Variants in GAN observed in about 807,000 individuals in gnomAD.
The protein encoded by GAN is epididymis secretory sperm binding protein.
A neutral mutation model predicts 71.3 loss-of-function variants in GAN; 48 were observed. The ratio of observed to expected loss-of-function variants is 0.67; its 90% CI spans 0.53 to 0.86. The LOEUF (loss-of-function observed/expected upper bound fraction) is 0.86, where lower values mean the gene tolerates loss of function less well. GAN is among the 40% of genes least tolerant of loss of function. GAN has a pLI of 0.00. For missense variants in GAN, 928 were observed against 770.1 expected, an observed-to-expected ratio of 1.21 and a Z score of -2.43; for synonymous variants, 386 against 276.8, an observed-to-expected ratio of 1.39 and a Z score of -3.92.
rs763438490 is a variant in GAN, at chr16:81,354,562, A to C, written c.440A>C (p.His147Pro). 1.2e-6 allele frequency: 2 copies of C among 1,614,176 alleles called. No homozygotes were observed. The highest frequency in any genetic ancestry group is 2.2e-5 in the South Asian group (2 of 91,088). Residue 147 changes from histidine to proline, a missense_variant, in exon 3 of 11, where the codon CAT becomes CCT. Physicochemically the swap from His to Pro is moderately conservative, Grantham distance 77 (BLOSUM62 -2). Transcript: ENST00000648994. ...IRDFALHYCL[H>P]HVHYLATEYL... is the part of the protein sequence containing the mutation. ...GACTTTGCACTACATTACTGCCTCC[A>C]TCACGTTCATTACCTTGCCACAGAA...
rs57170812 is a variant in GAN, at chr16:81,378,664, T to G, written c.*1068T>G. On this transcript the variant is annotated 3_prime_UTR_variant, in exon 11 of 11. Coordinates refer to ENST00000648994, the MANE Select transcript of GAN (RefSeq NM_022041.4). ...GAATCTAGTCTTTGTAATAGAAGTT[T>G]CCCAGTGGCATTCACTAGTGAGAGT... is the stretch of plus-strand genomic sequence containing the variant. 7,507 of 152,750 alleles carry G rather than the reference T, an allele frequency of 0.049. 325 individuals are homozygous for G. The highest frequency in any genetic ancestry group is 0.12 in the African/African-American group (4,993 of 41,562). The allele number at this position is 152,750 out of a possible 1,614,324, so 9.5% of individuals were successfully genotyped here. A position where few individuals can be genotyped will look rare whatever the true frequency, so the allele number is the denominator to read the frequency against.
chr16:81,389,850 C>T lies in GAN; in HGVS notation c.*12254C>T, dbSNP rs904318914. On this transcript the variant is annotated 3_prime_UTR_variant, in exon 11 of 11. Transcript: ENST00000648994. ...GACCCTCGAGTATGTGACTGTCACCCTTGTCCAAGACTGGTTTTTAACAGT... is the reference window on the plus strand; with the variant it reads ...GACCCTCGAGTATGTGACTGTCACCTTTGTCCAAGACTGGTTTTTAACAGT... 1.3e-5 allele frequency: 2 copies of T among 152,160 alleles called. No homozygotes were observed. Among genetic ancestry groups the T allele is most frequent in the African/African-American group, 4.8e-5 (2 of 41,426 alleles). The allele number at this position is 152,160 out of a possible 1,614,324, so 9.4% of individuals were successfully genotyped here.
intron 9 of GAN, among the ~76,000 whole-genome samples, chr16:81,367,330 C>G (rs1231073790): frequency 1.3e-5 from 2 of 151,984 alleles, no homozygotes. Context: ...CAAAACCAGC[C>G]CGGCCAACAT....
intron 1 of GAN, among the ~76,000 whole-genome samples, chr16:81,325,100 G>T (rs1195945362): frequency 6.6e-6 from 1 of 152,332 alleles, no homozygotes; most frequent in East Asian, 1.9e-4. Flanking sequence ...CTTCTTCATC[G>T]TCACCAACAG....
intron 5 of GAN, among the ~76,000 whole-genome samples, chr16:81,361,889 C>G (rs1460526589): frequency 6.6e-6 from 1 of 152,110 alleles, no homozygotes; most frequent in African/African-American, 2.4e-5. Flanking sequence ...GAGATGAAGT[C>G]TTGCTGTGTT....
intron 1 of GAN, among the ~76,000 whole-genome samples, chr16:81,330,496 C>G (rs1318911101): frequency 1.3e-5 from 2 of 152,126 alleles, no homozygotes; most frequent in South Asian, 4.1e-4. Flanking sequence ...AAGATAAACA[C>G]CCATGTGTCT....
intron 2 of GAN, 23 bp from the exon 3 acceptor site, chr16:81,354,382 A>G (rs377019851): frequency 2.1e-6 from 3 of 1,459,142 alleles, no homozygotes; most frequent in Non-Finnish European, 2.9e-6. Flanking sequence ...TTCAAATATA[A>G]GATAATTATG....
intron 9 of GAN, among the ~76,000 whole-genome samples, chr16:81,374,229 C>T (rs1323323337): frequency 3.9e-5 from 6 of 152,150 alleles, no homozygotes. Context: ...AGGGAGAACA[C>T]GTTGATGTGC....
At chr16:81,347,797 G>C (rs556099298) in intron 1 of GAN, among the ~76,000 whole-genome samples, 2 of 152,112 alleles carry the variant, frequency 1.3e-5, no homozygotes, top group Non-Finnish European at 2.9e-5. Flanking sequence ...TTTTCTTTCT[G>C]AAAGCTTGTA....
chr16:81,370,530 C>G (rs928972632), intron 9 of GAN, among the ~76,000 whole-genome samples: 1 of 152,178 alleles, frequency 6.6e-6, no homozygotes, highest in African/African-American at 2.4e-5. Context: ...GGGAAAACAC[C>G]CAAGGAAGGA....
In GAN at chr16:81,343,516, C is replaced by G. The variant is rs141932728; in HGVS notation, c.168-8067C>G. Among the ~76,000 whole-genome samples, 151 of 152,292 alleles carry G rather than the reference C, an allele frequency of 9.9e-4. 2 individuals carry two copies. In the East Asian group the frequency reaches 0.026, roughly 27 times the overall value. Reference sequence around the variant, plus strand: ...ACATAAGCAGAACCAACGACAAAAACCACATGATTATCTCAACAGATGTAG... The same window carrying G: ...ACATAAGCAGAACCAACGACAAAAAGCACATGATTATCTCAACAGATGTAG... On this transcript the variant is annotated intron_variant, in intron 1 of 10. Transcript: ENST00000648994.
intron 1 of GAN, among the ~76,000 whole-genome samples, chr16:81,329,886 C>T (rs142834973): frequency 4.1e-4 from 62 of 152,312 alleles, no homozygotes; most frequent in African/African-American, 1.1e-3. Context: ...TGATACCAAG[C>T]CCGCTACATG....
chr16:81,356,908 C>G lies in GAN; in HGVS notation c.757C>G (p.Leu253Val). The part of the protein sequence containing the change: ...EIVKECSNIP[L>V]SQPQQGEAML... The stretch of plus-strand genomic sequence containing the variant: ...TGTCAAAGAGTGTAGCAATATACCG[C>G]TCAGCCAGCCGCAGCAAGGGGAGGC... Residue 253 changes from leucine (L) to valine (V), a missense_variant, in exon 4 of 11, where the codon CTC becomes GTC. Coordinates refer to ENST00000648994, the MANE Select transcript of GAN (RefSeq NM_022041.4). The G allele has an allele frequency of 1.2e-6, 2 of 1,613,838 alleles. No individual in the cohort carries two copies. Among genetic ancestry groups the G allele is most frequent in the Non-Finnish European group, 1.7e-6 (2 of 1,179,772 alleles).
intron 2 of GAN, 81 bp from the exon 3 acceptor site, chr16:81,354,324 A>G (rs1464626033): frequency 3.5e-6 from 3 of 858,680 alleles, no homozygotes; most frequent in Non-Finnish European, 5.9e-6. Flanking sequence ...TGGAAATTTC[A>G]TGTGGCCCCA....
chr16:81,389,141 G>T lies in GAN; in HGVS notation c.*11545G>T, dbSNP rs1226033879. ...AACAAAGATAATCTGAATAAAAATT[G>T]TGTGTTGGGAAATGTATCAAGTGAC... On this transcript the variant is annotated 3_prime_UTR_variant, in exon 11 of 11. Transcript: ENST00000648994. 6.6e-6 allele frequency: 1 copy of T among 152,164 alleles called. No individual in the cohort carries two copies. The highest frequency in any genetic ancestry group is 1.5e-5 in the Non-Finnish European group (1 of 68,038). The allele number at this position is 152,164 out of a possible 1,614,324, so 9.4% of individuals were successfully genotyped here.
chr16:81,319,206 T>TTATA (rs57681055), intron 1 of GAN, among the ~76,000 whole-genome samples: 94,413 of 138,612 alleles, frequency 0.68, 34,459 homozygotes, highest in Middle Eastern at 0.83. Context: ...TAGATATAGA[T>TTATA]TATATATATA....
rs1463640637 is a variant in GAN at position 81,362,491 on chromosome 16, C to A, written c.974-8C>A. ...ATTTCATATTTGTGTTTCCTTTGAT[C>A]TTTGCAGAAGGATTTTTGTTTGTAT... On this transcript the variant is annotated splice_region_variant and splice_polypyrimidine_tract_variant and intron_variant, in intron 5 of 10. Coordinates refer to ENST00000648994, the MANE Select transcript of GAN (RefSeq NM_022041.4). 16 of 1,476,422 alleles carry A rather than the reference C, an allele frequency of 1.1e-5. No homozygotes were observed. Among genetic ancestry groups the A allele is most frequent in the Non-Finnish European group, 1.5e-5 (16 of 1,054,386 alleles). 91.5% of individuals were successfully genotyped at this position (1,476,422 alleles called of 1,614,324 possible).
At position 81,381,122 on chromosome 16, in the gene GAN, G is replaced by A. The variant is rs1443106400; in HGVS notation, c.*3526G>A. ...TAGGAAATACATTCTTTGTACAAAC[G>A]TGGTAAAGAGAGGACTGGCTTTGCT... On this transcript the variant is annotated 3_prime_UTR_variant, in exon 11 of 11. Transcript: ENST00000648994. 1.3e-5 allele frequency: 2 copies of A among 152,168 alleles called. No homozygotes were observed. The highest frequency in any genetic ancestry group is 2.4e-5 in the African/African-American group (1 of 41,436). 9.4% of individuals were successfully genotyped at this position (152,168 alleles called of 1,614,324 possible).
intron 6 of GAN, among the ~76,000 whole-genome samples, chr16:81,363,070 G>A (rs1024409840): frequency 2.6e-5 from 4 of 152,226 alleles, no homozygotes; most frequent in Admixed American, 6.5e-5. Context: ...TGCTTGGCAC[G>A]TAGGGTTTAC....
Sources: allele counts gnomAD v4.1 joint callset (sites outside exome capture counted in the v4.1 genomes callset), GRCh38; gene constraint gnomAD v4.1.1; transcripts MANE v1.5; gene names NCBI Gene and HGNC (gene_info 2026-07-23, HGNC 2026-07-21).